The following AGBL4 variants were observed in gnomAD, a reference collection of about 807,000 sequenced individuals.
AGBL4 encodes AGBL carboxypeptidase 4, also known as cytosolic carboxypeptidase 6.
In AGBL4, 58 loss-of-function variants were observed where a neutral mutation model predicts 66.4. The observed-to-expected ratio is 0.87, with a 90% confidence interval of 0.71 to 1.09. AGBL4 has a LOEUF of 1.09. AGBL4 is among the 50% of genes least tolerant of loss of function. AGBL4 has a pLI of 0.00. For synonymous variants in AGBL4, 234 were observed against 222.9 expected, an observed-to-expected ratio of 1.05 and a Z score of -0.44; for missense variants, 579 against 631.0, an observed-to-expected ratio of 0.92 and a Z score of 0.88.
chr1:49,111,877 T>C (rs1645419511), intron 4 of AGBL4, among the ~76,000 whole-genome samples: 1 of 152,230 alleles, frequency 6.6e-6, no homozygotes, highest in Non-Finnish European at 1.5e-5. Context: ...TTTTGAATGA[T>C]ATTTGATTAT....
At chr1:49,874,519 G>T (rs1048060672) in intron 1 of AGBL4, among the ~76,000 whole-genome samples, 3 of 152,012 alleles carry the variant, frequency 2.0e-5, no homozygotes, top group African/African-American at 7.2e-5. Flanking sequence ...CCATTGTAAT[G>T]TCATAGAATT....
chr1:49,425,348 T>C (rs1275925330), intron 3 of AGBL4, among the ~76,000 whole-genome samples: 1 of 152,136 alleles, frequency 6.6e-6, no homozygotes, highest in Non-Finnish European at 1.5e-5. Context: ...ATCATAGTCA[T>C]ATGAAAAGGT....
intron 11 of AGBL4, among the ~76,000 whole-genome samples, chr1:48,568,140 C>A (rs917306117): frequency 6.6e-6 from 1 of 152,216 alleles, no homozygotes. Context: ...TTGGATCAAG[C>A]ATCCTGCAAA....
chr1:49,653,003 C>T (rs1378183251), intron 3 of AGBL4, among the ~76,000 whole-genome samples: 3 of 152,218 alleles, frequency 2.0e-5, no homozygotes, highest in South Asian at 2.1e-4. Context: ...GATCCCACTC[C>T]GCCTGACTGG....
chr1:49,680,411 T>C (rs1646670137), intron 3 of AGBL4, among the ~76,000 whole-genome samples: 2 of 148,614 alleles, frequency 1.3e-5, no homozygotes, highest in Non-Finnish European at 3.0e-5. Context: ...TCTTGCTGTA[T>C]GGCAACAATT....
intron 1 of AGBL4, among the ~76,000 whole-genome samples, chr1:49,991,352 A>G (rs1272612525): frequency 6.6e-6 from 1 of 152,136 alleles, no homozygotes; most frequent in Admixed American, 6.6e-5. Context: ...CCTATATTTC[A>G]ATATATGTAT....
intron 4 of AGBL4, among the ~76,000 whole-genome samples, chr1:49,167,404 C>T (rs1383863270): frequency 1.3e-5 from 2 of 152,124 alleles, no homozygotes; most frequent in Non-Finnish European, 2.9e-5. Flanking sequence ...ACTAGAAAGC[C>T]TACCATAATT....
chr1:49,709,429 G>A (rs1391898655), intron 2 of AGBL4, among the ~76,000 whole-genome samples: 8 of 152,172 alleles, frequency 5.3e-5, no homozygotes, highest in African/African-American at 1.9e-4. Flanking sequence ...AGTGTCCCAG[G>A]ACAACTTCAG....
At chr1:49,687,689 T>C (rs1485631149) in intron 3 of AGBL4, among the ~76,000 whole-genome samples, 1 of 151,880 alleles carries the variant, frequency 6.6e-6, no homozygotes, top group Non-Finnish European at 1.5e-5. Flanking sequence ...GCAGGAGGAT[T>C]GCTTGAACCC....
chr1:49,400,246 T>C (rs1237737232), intron 3 of AGBL4, among the ~76,000 whole-genome samples: 1 of 152,200 alleles, frequency 6.6e-6, no homozygotes, highest in Non-Finnish European at 1.5e-5. Flanking sequence ...CTATTATGTT[T>C]GTTTTTATGC....
chr1:48,770,186 C>T (rs1168288741), intron 6 of AGBL4, among the ~76,000 whole-genome samples: 1 of 152,156 alleles, frequency 6.6e-6, no homozygotes, highest in African/African-American at 2.4e-5. Context: ...CTCTGTGGTG[C>T]AAAACTGAGA....
chr1:49,992,594 C>T (rs1036325072), intron 1 of AGBL4, among the ~76,000 whole-genome samples: 1 of 151,778 alleles, frequency 6.6e-6, no homozygotes, highest in Non-Finnish European at 1.5e-5. Context: ...GATTCCTGAA[C>T]ATTCACTCCA....
chr1:49,094,638 C>T (rs1169053391), intron 4 of AGBL4, among the ~76,000 whole-genome samples: 1 of 151,884 alleles, frequency 6.6e-6, no homozygotes, highest in Non-Finnish European at 1.5e-5. Flanking sequence ...GGATATTGGT[C>T]TAAAATTCTT....
At chr1:49,004,046 T>C (rs2148994343) in intron 5 of AGBL4, among the ~76,000 whole-genome samples, 1 of 152,342 alleles carries the variant, frequency 6.6e-6, no homozygotes, top group South Asian at 2.1e-4. Context: ...TGGGTGCTAA[T>C]TGGCCCCAAC....
At chr1:48,734,668 T>C (rs1648732587) in intron 6 of AGBL4, among the ~76,000 whole-genome samples, 1 of 152,160 alleles carries the variant, frequency 6.6e-6, no homozygotes, top group Non-Finnish European at 1.5e-5. Context: ...TTGCCACCCC[T>C]CAGACCATTA....
chr1:49,578,617 T>C (rs1644482066), intron 3 of AGBL4, among the ~76,000 whole-genome samples: 1 of 152,236 alleles, frequency 6.6e-6, no homozygotes, highest in African/African-American at 2.4e-5. Context: ...CTTTTTCCCT[T>C]ATCATGTGAC....
intron 9 of AGBL4, among the ~76,000 whole-genome samples, chr1:48,623,368 C>T (rs969215646): frequency 1.3e-5 from 2 of 152,200 alleles, no homozygotes; most frequent in African/African-American, 4.8e-5. Context: ...CACAGTCAGA[C>T]ACATGGGACC....
chr1:48,947,543 C>A (rs1475855273), intron 5 of AGBL4, among the ~76,000 whole-genome samples: 1 of 152,164 alleles, frequency 6.6e-6, no homozygotes, highest in Admixed American at 6.5e-5. Flanking sequence ...CTGTTCCATC[C>A]TCTCCTGTTT....
At chr1:49,905,816 G>A (rs1462525766) in intron 1 of AGBL4, among the ~76,000 whole-genome samples, 1 of 151,872 alleles carries the variant, frequency 6.6e-6, no homozygotes, top group African/African-American at 2.4e-5. Flanking sequence ...AATATATTAA[G>A]CATATATGAA....
Sources: gnomAD v4.1 joint callset for allele counts (sites outside exome capture counted in the v4.1 genomes callset) on GRCh38, gnomAD v4.1.1 for gene constraint, MANE v1.5 for transcripts, NCBI Gene and HGNC (gene_info 2026-07-23, HGNC 2026-07-21) for gene names.